IQSEC1: variants seen among roughly 807,000 people sequenced by gnomAD.
IQSEC1 encodes IQ motif and Sec7 domain ArfGEF 1.
A neutral mutation model predicts 91.0 loss-of-function variants in IQSEC1; 31 were observed. The ratio of observed to expected loss-of-function variants is 0.34; its 90% CI spans 0.26 to 0.46. IQSEC1 has a LOEUF of 0.46. Among genes scored for constraint, IQSEC1 ranks in the 20% least tolerant of loss-of-function variants. The probability of loss-of-function intolerance (pLI) is 1.00; values close to 1 mark genes in which losing one functional copy is unlikely to be tolerated. For missense variants in IQSEC1, 1,388 were observed against 1,575.6 expected (o/e 0.88, Z 2.02); for synonymous variants, 699 against 662.6 (o/e 1.05, Z -0.84).
rs911451425 is a variant in IQSEC1, at chr3:13,271,193, C to T, written c.272+11518G>A. On this transcript the variant is annotated intron_variant, in intron 1 of 15. Transcript: ENST00000648114. ...GGGATCGAAACCATCCTGGCTAACA[C>T]GGTGAAACCCCATCTCTACTAAAAA... Among the ~76,000 whole-genome samples, 13 of 151,894 alleles carry T rather than the reference C, an allele frequency of 8.6e-5. 1 individual carries two copies. The highest frequency in any genetic ancestry group is 5.2e-4 in the Admixed American group (8 of 15,248).
At chr3:13,230,641 T>C (rs371071406) in intron 1 of IQSEC1, among the ~76,000 whole-genome samples, 4 of 152,218 alleles carry the variant, frequency 2.6e-5, no homozygotes, top group Non-Finnish European at 4.4e-5. Context: ...TCACCTGTTA[T>C]AGTTCTTCAA....
chr3:13,017,934 A>C (rs1703217690), intron 1 of IQSEC1, among the ~76,000 whole-genome samples: 1 of 152,106 alleles, frequency 6.6e-6, no homozygotes, highest in Admixed American at 6.5e-5. Context: ...GATAGACAGC[A>C]CGAGCCAGGG....
chr3:13,017,982 C>T (rs948860975), intron 1 of IQSEC1, among the ~76,000 whole-genome samples: 1 of 152,142 alleles, frequency 6.6e-6, no homozygotes, highest in African/African-American at 2.4e-5. Context: ...AGGCTGGTGA[C>T]CCCTTCCTCA....
intron 1 of IQSEC1, among the ~76,000 whole-genome samples, chr3:13,178,787 A>G (rs1442205733): frequency 7.9e-5 from 12 of 152,266 alleles, no homozygotes; most frequent in Admixed American, 7.8e-4. Flanking sequence ...GGCATAAGAC[A>G]TCAAGCAGAT....
At chr3:13,085,812 C>T (rs1183883645) in intron 2 of IQSEC1, among the ~76,000 whole-genome samples, 1 of 152,254 alleles carries the variant, frequency 6.6e-6, no homozygotes, top group African/African-American at 2.4e-5. Flanking sequence ...TGGTTATCGG[C>T]CAATGCGAGG....
intron 2 of IQSEC1, among the ~76,000 whole-genome samples, chr3:13,116,455 G>A (rs1003544508): frequency 1.3e-5 from 2 of 152,098 alleles, no homozygotes; most frequent in Non-Finnish European, 2.9e-5. Context: ...ATAAACCCTC[G>A]CATATACAGT....
chr3:13,042,008 G>A (rs374520224), intron 1 of IQSEC1, among the ~76,000 whole-genome samples: 7 of 152,204 alleles, frequency 4.6e-5, no homozygotes, highest in East Asian at 3.9e-4. Flanking sequence ...GGCTCACCCC[G>A]GCAGCAAGGA....
At chr3:13,089,695 A>G (rs4684119) in intron 2 of IQSEC1, among the ~76,000 whole-genome samples, 105,609 of 152,140 alleles carry the variant, frequency 0.69, 36,992 homozygotes, top group East Asian at 0.89. Flanking sequence ...CACATCTTCT[A>G]TGATTCGAAT....
Position 13,214,178 on chromosome 3 carries a change from C to T in IQSEC1, c.273-50045G>A, listed in dbSNP as rs893543112. ...CCTGCCAAAGGGTCCCAACCCTTAA[C>T]GCGACGAACCCCTCTCTTACCCTTC... On this transcript the variant is annotated intron_variant, in intron 1 of 15. Coordinates refer to the IQSEC1 transcript ENST00000648114. This position sits in a 1 kb window ranked among gnomAD's most constrained non-coding sequence, Gnocchi z 4.5. Among the ~76,000 whole-genome samples the T allele has an allele frequency of 3.3e-5, 5 of 152,230 alleles. No individual in the cohort carries two copies. The highest frequency in any genetic ancestry group is 7.2e-5 in the African/African-American group (3 of 41,470).
chr3:12,948,869 C>T (rs1429261903), intron 1 of IQSEC1, among the ~76,000 whole-genome samples: 1 of 152,208 alleles, frequency 6.6e-6, no homozygotes, highest in Non-Finnish European at 1.5e-5. Context: ...CGAACACTTG[C>T]CCATTGTGTT....
intron 1 of IQSEC1, among the ~76,000 whole-genome samples, chr3:13,279,955 G>T (rs1205378684): frequency 6.6e-6 from 1 of 152,184 alleles, no homozygotes; most frequent in Non-Finnish European, 1.5e-5. Context: ...CCCCCTGCCT[G>T]TGCTCAGTTG....
chr3:13,063,451 T>A (rs1365578249), intron 1 of IQSEC1, among the ~76,000 whole-genome samples: 1 of 152,226 alleles, frequency 6.6e-6, no homozygotes, highest in Non-Finnish European at 1.5e-5. Context: ...CAGACAAGCA[T>A]GGTGACTGTG....
intron 2 of IQSEC1, among the ~76,000 whole-genome samples, chr3:13,160,600 G>A (rs1707157604): frequency 6.6e-6 from 1 of 152,246 alleles, no homozygotes; most frequent in Non-Finnish European, 1.5e-5. Context: ...TGAGTGTTTG[G>A]TAAGGGGAGG....
chr3:12,971,510 G>C (rs554400477), intron 1 of IQSEC1, among the ~76,000 whole-genome samples: 1 of 152,224 alleles, frequency 6.6e-6, no homozygotes, highest in Non-Finnish European at 1.5e-5. Flanking sequence ...ATGTTAAAAA[G>C]ATGGCAGCAG....
intron 2 of IQSEC1, among the ~76,000 whole-genome samples, chr3:13,132,828 A>T (rs1235671798): frequency 1.3e-5 from 2 of 152,218 alleles, no homozygotes; most frequent in Admixed American, 1.3e-4. Flanking sequence ...TTTAGGAAAC[A>T]CAGGGCATCC....
intron 8 of IQSEC1, among the ~76,000 whole-genome samples, chr3:12,913,806 C>T (rs1215631501): frequency 1.3e-5 from 2 of 152,226 alleles, no homozygotes; most frequent in African/African-American, 4.8e-5. Flanking sequence ...GGACGTGCCC[C>T]AGCTTCTGCT....
intron 2 of IQSEC1, among the ~76,000 whole-genome samples, chr3:13,109,332 G>C (rs538013655): frequency 2.0e-5 from 3 of 152,140 alleles, no homozygotes; most frequent in African/African-American, 7.2e-5. Flanking sequence ...AGGAAATAAG[G>C]TGAAATACAA....
chr3:13,197,386 A>G (rs1694154430), intron 1 of IQSEC1, among the ~76,000 whole-genome samples: 1 of 152,188 alleles, frequency 6.6e-6, no homozygotes, highest in Non-Finnish European at 1.5e-5. Flanking sequence ...TGAGCTGGAC[A>G]GGCACTGAGT....
intron 1 of IQSEC1, among the ~76,000 whole-genome samples, chr3:12,974,077 G>C (rs905966452): frequency 6.6e-6 from 1 of 152,212 alleles, no homozygotes; most frequent in African/African-American, 2.4e-5. Context: ...AAGACCCTGA[G>C]GGAAGGGCTG....
Sources: gnomAD v4.1 joint callset for allele counts (sites outside exome capture counted in the v4.1 genomes callset) on GRCh38, gnomAD v4.1.1 for gene constraint, Gnocchi (gnomAD v3.1) non-coding constraint, MANE v1.5 for transcripts, NCBI Gene and HGNC (gene_info 2026-07-23, HGNC 2026-07-21) for gene names.